NCALD: variants seen among roughly 807,000 people sequenced by gnomAD.
NCALD encodes the protein neurocalcin delta, also known as neurocalcin-delta.
A neutral mutation model predicts 18.6 loss-of-function variants in NCALD; 10 were observed. That is an observed-to-expected ratio of 0.54 (90% confidence interval 0.33 to 0.91). NCALD has a LOEUF of 0.91. Ranked by LOEUF, NCALD falls within the 40% of genes least tolerant of loss-of-function variation. NCALD has a pLI of 0.03. For missense variants in NCALD, 184 were observed against 247.6 expected, an observed-to-expected ratio of 0.74 and a Z score of 1.72; for synonymous variants, 88 against 87.4, an observed-to-expected ratio of 1.01 and a Z score of -0.04.
intron 4 of NCALD, among the ~76,000 whole-genome samples, chr8:101,804,726 A>C (rs1813035306): frequency 6.8e-6 from 1 of 147,136 alleles, no homozygotes; most frequent in Non-Finnish European, 1.5e-5. Context: ...ATAAAATATA[A>C]TGCTTTTAAA....
chr8:101,731,513 G>A (rs999551135), intron 1 of NCALD, among the ~76,000 whole-genome samples: 18 of 152,044 alleles, frequency 1.2e-4, no homozygotes, highest in African/African-American at 2.7e-4. Flanking sequence ...GGAATTCCAC[G>A]CCTCACTCCC....
chr8:102,092,055 C>A (rs1287633747), intron 1 of NCALD, among the ~76,000 whole-genome samples: 1 of 152,130 alleles, frequency 6.6e-6, no homozygotes. Context: ...TTTTAAGTCA[C>A]AGGATGAGAT....
intron 2 of NCALD, among the ~76,000 whole-genome samples, chr8:101,977,849 G>A (rs971069405): frequency 6.6e-6 from 1 of 152,072 alleles, no homozygotes; most frequent in Non-Finnish European, 1.5e-5. Flanking sequence ...AGGCCACTGG[G>A]CATATTACTT....
chr8:101,765,659 G>C (rs560745678), intron 1 of NCALD, among the ~76,000 whole-genome samples: 4 of 152,242 alleles, frequency 2.6e-5, no homozygotes, highest in Admixed American at 1.3e-4. Context: ...GAGTAGGAAG[G>C]GGGAGAGAAA....
At chr8:102,082,188 A>G (rs1342971001) in intron 1 of NCALD, among the ~76,000 whole-genome samples, 1 of 148,252 alleles carries the variant, frequency 6.7e-6, no homozygotes, top group Non-Finnish European at 1.5e-5. Context: ...TTCTCAAATA[A>G]TAGCCCTTTC....
At chr8:101,741,642 A>C (rs1006304146) in intron 1 of NCALD, among the ~76,000 whole-genome samples, 17 of 151,902 alleles carry the variant, frequency 1.1e-4, no homozygotes, top group African/African-American at 3.9e-4. Context: ...AGGAAAAAAA[A>C]AAAGGAGGGG....
intron 1 of NCALD, among the ~76,000 whole-genome samples, chr8:102,021,142 G>C (rs1012154753): frequency 1.3e-5 from 2 of 152,144 alleles, no homozygotes; most frequent in Admixed American, 1.3e-4. Flanking sequence ...TTCCCTGTAA[G>C]TTCACAGATC....
intron 4 of NCALD, among the ~76,000 whole-genome samples, chr8:101,818,361 C>T (rs540915609): frequency 1.3e-5 from 2 of 152,268 alleles, no homozygotes; most frequent in African/African-American, 4.8e-5. Context: ...TTCACGCTAG[C>T]CCCTGGAGGT....
intron 1 of NCALD, among the ~76,000 whole-genome samples, chr8:102,062,975 A>G (rs1823895329): frequency 6.6e-6 from 1 of 152,186 alleles, no homozygotes; most frequent in African/African-American, 2.4e-5. Context: ...AAAGAAAAAA[A>G]AATCCTCAAG....
chr8:101,755,679 T>C lies in NCALD; in HGVS notation c.-20+35183A>G, dbSNP rs574278071. ...GGTTTTAAAAAGCCAGGGAAATACA[T>C]TGTAACATTGCTCCTACAGCCTCAC... On this transcript the variant is annotated intron_variant, in intron 1 of 3. Coordinates refer to ENST00000220931, the MANE Select transcript of NCALD (RefSeq NM_032041.3). Among the ~76,000 whole-genome samples, 4 of 152,334 alleles carry C rather than the reference T, an allele frequency of 2.6e-5. No homozygotes were observed. In the East Asian group the frequency reaches 7.7e-4, roughly 29 times the overall value.
chr8:101,916,549 A>T (rs1817976728), intron 2 of NCALD, among the ~76,000 whole-genome samples: 1 of 152,178 alleles, frequency 6.6e-6, no homozygotes, highest in Non-Finnish European at 1.5e-5. Context: ...AGTGGTTTCA[A>T]TGTTCCCACT....
intron 2 of NCALD, among the ~76,000 whole-genome samples, chr8:101,964,337 G>C (rs558985160): frequency 6.6e-6 from 1 of 152,288 alleles, no homozygotes; most frequent in South Asian, 2.1e-4. Context: ...GGTAACGCCA[G>C]TTTCTATAAC....
chr8:101,768,746 C>A (rs78947934), intron 1 of NCALD, among the ~76,000 whole-genome samples: 12 of 149,416 alleles, frequency 8.0e-5, no homozygotes, highest in South Asian at 2.1e-4. Context: ...AGAAAGAAAG[C>A]AAGAAAGAAA....
chr8:101,795,619 C>A (rs1443241978), upstream of NCALD, among the ~76,000 whole-genome samples: 1 of 152,188 alleles, frequency 6.6e-6, no homozygotes, highest in Non-Finnish European at 1.5e-5. Context: ...CCTCCTAACA[C>A]CATCACTTTG....
intron 1 of NCALD, among the ~76,000 whole-genome samples, chr8:101,755,262 T>C (rs1810828600): frequency 6.6e-6 from 1 of 152,196 alleles, no homozygotes; most frequent in Non-Finnish European, 1.5e-5. Context: ...CCCTCAACAG[T>C]CCCAGTTGAT....
chr8:102,054,898 C>G (rs1372518699), intron 1 of NCALD, among the ~76,000 whole-genome samples: 1 of 152,150 alleles, frequency 6.6e-6, no homozygotes. Context: ...CTGAAGAACA[C>G]TGACTAATAC....
chr8:102,003,859 G>A (rs1041195807), intron 2 of NCALD, among the ~76,000 whole-genome samples: 24 of 152,214 alleles, frequency 1.6e-4, no homozygotes, highest in African/African-American at 5.3e-4. Context: ...CAATAAATTC[G>A]GTATTGATGG....
chr8:101,696,495 A>C (rs772709696), intron 2 of NCALD, among the ~76,000 whole-genome samples: 7 of 152,154 alleles, frequency 4.6e-5, no homozygotes, highest in Non-Finnish European at 1.5e-5. Context: ...AGGGGTGAGC[A>C]AAACACCATG....
intron 4 of NCALD, among the ~76,000 whole-genome samples, chr8:101,842,880 A>G (rs148604468): frequency 1.8e-4 from 28 of 152,282 alleles, no homozygotes; most frequent in African/African-American, 5.3e-4. Context: ...AGGGAGGGAG[A>G]GAGAGAGAAA....
Sources: allele counts gnomAD v4.1 joint callset (sites outside exome capture counted in the v4.1 genomes callset), GRCh38; gene constraint gnomAD v4.1.1; transcripts MANE v1.5; gene names NCBI Gene and HGNC (gene_info 2026-07-23, HGNC 2026-07-21).